AKAP19: variants seen among roughly 807,000 people sequenced by gnomAD.
AKAP19 encodes A-kinase anchoring protein 19.
chr2:190,058,373 A>C, the AKAP19 span, among the ~76,000 whole-genome samples: 5 of 152,026 alleles, frequency 3.3e-5, no homozygotes, highest in African/African-American at 9.7e-5. Context: ...AAAAAGGAAC[A>C]CTTTCTTAAA....
At chr2:190,177,006 T>C in the AKAP19 span, among the ~76,000 whole-genome samples, 1 of 152,238 alleles carries the variant, frequency 6.6e-6, no homozygotes, top group African/African-American at 2.4e-5. This position sits in a 1 kb window ranked among gnomAD's most constrained non-coding sequence, Gnocchi z 4.6. Flanking sequence ...AGATTTTTTT[T>C]TTCCCTAGAC....
At chr2:190,047,011 T>G in the AKAP19 span, among the ~76,000 whole-genome samples, 1 of 152,148 alleles carries the variant, frequency 6.6e-6, no homozygotes, top group Admixed American at 6.5e-5. Context: ...TAAAGTGAGT[T>G]TTTTAAGAAA....
At chr2:189,923,480 C>T in the AKAP19 span, 2 of 1,613,938 alleles carry the variant, frequency 1.2e-6, no homozygotes, top group Non-Finnish European at 1.7e-6. Context: ...CTGCTCTGTT[C>T]ATAAGGGCTT....
At chr2:189,958,250 T>C in the AKAP19 span, among the ~76,000 whole-genome samples, 1 of 152,110 alleles carries the variant, frequency 6.6e-6, no homozygotes, top group African/African-American at 2.4e-5. Flanking sequence ...TCGCAAGTGG[T>C]TACTGATAAT....
the AKAP19 span, among the ~76,000 whole-genome samples, chr2:189,982,756 T>C: frequency 3.3e-5 from 5 of 152,104 alleles, no homozygotes; most frequent in African/African-American, 9.7e-5. Context: ...TCATTCCTTA[T>C]TGCTTTTAGG....
chr2:189,909,798 A>C, the AKAP19 span, among the ~76,000 whole-genome samples: 1 of 152,222 alleles, frequency 6.6e-6, no homozygotes, highest in South Asian at 2.1e-4. Flanking sequence ...GTAAGGTGTA[A>C]TATTTACTGT....
At chr2:189,997,575 C>G in the AKAP19 span, among the ~76,000 whole-genome samples, 1 of 152,108 alleles carries the variant, frequency 6.6e-6, no homozygotes, top group Non-Finnish European at 1.5e-5. Flanking sequence ...TAGGCCTCAC[C>G]CAGCTCCCAT....
the AKAP19 span, among the ~76,000 whole-genome samples, chr2:189,986,286 G>A: frequency 6.6e-6 from 1 of 151,688 alleles, no homozygotes; most frequent in Non-Finnish European, 1.5e-5. Context: ...TGCTTGCCAT[G>A]GACTTTTCTC....
the AKAP19 span, among the ~76,000 whole-genome samples, chr2:190,044,014 G>T: frequency 1.3e-5 from 2 of 152,168 alleles, no homozygotes; most frequent in Admixed American, 6.5e-5. Flanking sequence ...GTGGCACTTA[G>T]GTTTCTCAGT....
the AKAP19 span, among the ~76,000 whole-genome samples, chr2:190,189,042 G>A: frequency 4.6e-5 from 7 of 152,156 alleles, no homozygotes; most frequent in African/African-American, 1.7e-4. Flanking sequence ...GGACTTGAAG[G>A]CCAGATTTGA....
chr2:189,958,958 G>A, the AKAP19 span, among the ~76,000 whole-genome samples: 4 of 151,980 alleles, frequency 2.6e-5, no homozygotes, highest in Non-Finnish European at 5.9e-5. Context: ...GTACCCTAAA[G>A]AAAAGCAAGA....
the AKAP19 span, among the ~76,000 whole-genome samples, chr2:189,943,263 C>T: frequency 6.6e-6 from 1 of 152,236 alleles, no homozygotes; most frequent in Non-Finnish European, 1.5e-5. Flanking sequence ...TCCCTGCATC[C>T]CAGCTACTCT....
the AKAP19 span, among the ~76,000 whole-genome samples, chr2:190,146,913 T>G: frequency 6.6e-6 from 1 of 152,250 alleles, no homozygotes; most frequent in Non-Finnish European, 1.5e-5. Context: ...CTTTGTCAGA[T>G]GTATAGATTG....
the AKAP19 span, among the ~76,000 whole-genome samples, chr2:189,882,008 T>C: frequency 6.6e-6 from 1 of 152,332 alleles, no homozygotes; most frequent in Admixed American, 6.5e-5. Flanking sequence ...CTTTGTTCCA[T>C]AGAAGGAATC....
chr2:190,003,409 C>T, the AKAP19 span, among the ~76,000 whole-genome samples: 1 of 152,048 alleles, frequency 6.6e-6, no homozygotes, highest in Non-Finnish European at 1.5e-5. Flanking sequence ...CTATAACCAA[C>T]AAACTTTTGC....
chr2:190,027,470 A>G, the AKAP19 span, among the ~76,000 whole-genome samples: 3 of 152,220 alleles, frequency 2.0e-5, no homozygotes, highest in Non-Finnish European at 2.9e-5. Context: ...ATGAAGATTT[A>G]AAGTGGCATT....
At chr2:190,168,561 C>T in the AKAP19 span, among the ~76,000 whole-genome samples, 1 of 152,184 alleles carries the variant, frequency 6.6e-6, no homozygotes, top group South Asian at 2.1e-4. Context: ...ATTTTCTGAA[C>T]TTTTATGCTC....
the AKAP19 span, among the ~76,000 whole-genome samples, chr2:189,963,716 T>A: frequency 6.6e-6 from 1 of 152,072 alleles, no homozygotes; most frequent in Non-Finnish European, 1.5e-5. Flanking sequence ...TTTGCCCAGG[T>A]CCATCAGATA....
chr2:189,924,437 C>A, the AKAP19 span, among the ~76,000 whole-genome samples: 2 of 152,076 alleles, frequency 1.3e-5, no homozygotes, highest in Non-Finnish European at 2.9e-5. Flanking sequence ...TTAAGTCTTA[C>A]CCTGTAATTT....
Sources: allele counts gnomAD v4.1 joint callset (sites outside exome capture counted in the v4.1 genomes callset), GRCh38; gene constraint gnomAD v4.1.1; non-coding constraint Gnocchi (gnomAD v3.1); transcripts MANE v1.5; gene names NCBI Gene and HGNC (gene_info 2026-07-23, HGNC 2026-07-21).